The following RBFOX1 variants were observed in gnomAD, a reference collection of about 807,000 sequenced individuals.
RBFOX1 encodes RNA binding fox-1 homolog 1, also known as RNA binding protein fox-1 homolog 1.
RBFOX1 carries 8 observed loss-of-function variants against 57.7 expected under a neutral mutation model. The observed-to-expected ratio is 0.14, with a 90% CI of 0.08 to 0.25. RBFOX1 has a LOEUF of 0.25. Among genes scored for constraint, RBFOX1 ranks in the 10% least tolerant of loss-of-function variants. The probability of loss-of-function intolerance (pLI) is 1.00; values close to 1 mark genes in which losing one functional copy is unlikely to be tolerated. For synonymous variants in RBFOX1, 326 were observed against 222.4 expected, an observed-to-expected ratio of 1.47 and a Z score of -4.15; for missense variants, 611 against 548.5, an observed-to-expected ratio of 1.11 and a Z score of -1.14.
At chr16:6,261,550 C>T (rs992722471) in intron 1 of RBFOX1, among the ~76,000 whole-genome samples, 1 of 152,168 alleles carries the variant, frequency 6.6e-6, no homozygotes, top group Non-Finnish European at 1.5e-5. Flanking sequence ...TCATCCTTGT[C>T]CTGGGAATCG....
At chr16:6,323,082 G>A (rs966897693) in intron 2 of RBFOX1, among the ~76,000 whole-genome samples, 8 of 151,998 alleles carry the variant, frequency 5.3e-5, no homozygotes, top group South Asian at 2.1e-4. Flanking sequence ...TTTTTCGATC[G>A]AATGAGTACA....
Position 5,792,227 on chromosome 16 carries a change from T to G in RBFOX1, c.319-75076T>G, listed in dbSNP as rs372191595. Among the ~76,000 whole-genome samples, 6 of 152,338 alleles carry G rather than the reference T, an allele frequency of 3.9e-5. No individual in the cohort carries two copies. In the East Asian group the frequency reaches 9.6e-4, roughly 24 times the overall value. ...TATGCTGCTGGCACTGAATGGCTTC[T>G]CTGTAAATGGTCAGTTCTGTTGTTA... On this transcript the variant is annotated intron_variant, in intron 3 of 19. Transcript: ENST00000641259.
At chr16:6,043,787 G>T (rs530320472) in intron 1 of RBFOX1, among the ~76,000 whole-genome samples, 2 of 152,266 alleles carry the variant, frequency 1.3e-5, no homozygotes, top group South Asian at 4.1e-4. Flanking sequence ...TCTGCTTATG[G>T]GGAGTTTTGG....
In RBFOX1 at chr16:5,299,204, C is replaced by CT. The variant is rs112569149; in HGVS notation, c.219+59109dup. On this transcript the variant is annotated intron_variant, in intron 1 of 2. Coordinates refer to the RBFOX1 transcript ENST00000585867. ...ATGCTATGCACTCCTTTATGCCTGG[C>CT]TTTTTTTTTTGCTCAAAAAAAGTTT... Among the ~76,000 whole-genome samples the CT allele has an allele frequency of 1.5e-3, 220 of 146,680 alleles. 1 individual carries two copies. The highest frequency in any genetic ancestry group is 4.2e-3 in the African/African-American group (167 of 40,048).
intron 1 of RBFOX1, among the ~76,000 whole-genome samples, chr16:5,379,815 G>C (rs571250965): frequency 3.9e-5 from 6 of 152,260 alleles, no homozygotes; most frequent in African/African-American, 1.2e-4. Flanking sequence ...TAGTGGTCTG[G>C]GTAACATTTC....
At chr16:7,327,824 T>A (rs565169894) in intron 4 of RBFOX1, among the ~76,000 whole-genome samples, 3 of 149,736 alleles carry the variant, frequency 2.0e-5, no homozygotes, top group East Asian at 1.9e-4. Context: ...TTTTTTTTTT[T>A]ACACTGTGCA....
chr16:5,255,049 G>T (rs2062549493), intron 1 of RBFOX1, among the ~76,000 whole-genome samples: 2 of 152,142 alleles, frequency 1.3e-5, no homozygotes, highest in African/African-American at 4.8e-5. Context: ...TGGTTGCCCA[G>T]CTGTCATCAG....
intron 3 of RBFOX1, among the ~76,000 whole-genome samples, chr16:6,762,873 G>C (rs2076818079): frequency 6.6e-6 from 1 of 152,100 alleles, no homozygotes. Context: ...TCCTTGCCTT[G>C]GGTGGGAGTA....
chr16:7,641,643 C>T (rs1010327529), intron 11 of RBFOX1, among the ~76,000 whole-genome samples: 8 of 152,158 alleles, frequency 5.3e-5, no homozygotes, highest in African/African-American at 1.9e-4. Flanking sequence ...CAAACATTTC[C>T]AGAAGATCAT....
chr16:6,973,652 A>G (rs896276988), intron 3 of RBFOX1, among the ~76,000 whole-genome samples: 3 of 152,162 alleles, frequency 2.0e-5, no homozygotes, highest in Non-Finnish European at 2.9e-5. Flanking sequence ...AAGCTGGACC[A>G]TTGACTGAAA....
At chr16:7,415,402 G>A (rs530507702) in intron 4 of RBFOX1, among the ~76,000 whole-genome samples, 2 of 152,254 alleles carry the variant, frequency 1.3e-5, no homozygotes, top group South Asian at 2.1e-4. Flanking sequence ...CTTGAAGTTT[G>A]TGGTCATGAT....
At chr16:7,413,113 C>G (rs2098445668) in intron 4 of RBFOX1, among the ~76,000 whole-genome samples, 1 of 152,060 alleles carries the variant, frequency 6.6e-6, no homozygotes. Context: ...AATTATTTTA[C>G]TTGAGAAGCA....
chr16:7,665,365 T>G (rs1020491692), intron 13 of RBFOX1, among the ~76,000 whole-genome samples: 2 of 152,202 alleles, frequency 1.3e-5, no homozygotes, highest in Admixed American at 1.3e-4. Flanking sequence ...GATATTTTCA[T>G]GGCTGCTATT....
intron 3 of RBFOX1, among the ~76,000 whole-genome samples, chr16:5,764,244 T>G (rs2151654152): frequency 6.6e-6 from 1 of 152,328 alleles, no homozygotes; most frequent in Non-Finnish European, 1.5e-5. Context: ...GGGCTGTTCT[T>G]AAGTTATTAA....
intron 3 of RBFOX1, among the ~76,000 whole-genome samples, chr16:5,675,214 T>A (rs2079739): frequency 1.3e-5 from 2 of 151,752 alleles, no homozygotes; most frequent in African/African-American, 2.4e-5. Flanking sequence ...ATGCATGTAC[T>A]CACGCACACA....
intron 12 of RBFOX1, among the ~76,000 whole-genome samples, chr16:7,655,027 T>C (rs756759413): frequency 6.6e-5 from 10 of 152,158 alleles, no homozygotes; most frequent in Non-Finnish European, 1.0e-4. Flanking sequence ...TAGAAGAAAA[T>C]ATGGCTGCAT....
chr16:6,510,995 G>C (rs1176374127), intron 2 of RBFOX1, among the ~76,000 whole-genome samples: 1 of 152,174 alleles, frequency 6.6e-6, no homozygotes, highest in Non-Finnish European at 1.5e-5. Context: ...ATCCAATGCT[G>C]TCACGAGCTG....
At position 7,332,965 on chromosome 16, in the gene RBFOX1, G is replaced by A. The variant is rs368254031; in HGVS notation, c.28-185182G>A. ...TTTCCCCCTAACTCTCCATTGATGT[G>A]TTGAGCTTCAGAGGGAATAATAACT... is the stretch of plus-strand genomic sequence containing the variant. On this transcript the variant is annotated intron_variant, in intron 4 of 15. Coordinates refer to ENST00000550418, the MANE Select transcript of RBFOX1 (RefSeq NM_018723.4). 1.1e-5 allele frequency: 18 copies of A among 1,612,712 alleles called. No homozygotes were observed. The African/African-American group carries it at 1.6e-4, about 14-fold the overall frequency.
chr16:6,557,004 T>TACATATATATACATATATACATATATAC (rs1567671436), intron 2 of RBFOX1, among the ~76,000 whole-genome samples: 1 of 136,974 alleles, frequency 7.3e-6, no homozygotes, highest in African/African-American at 3.0e-5. Flanking sequence ...TACATATATA[T>TACATATATATACATATATACATATATAC]ACATATATAT....
Sources: allele counts gnomAD v4.1 joint callset (sites outside exome capture counted in the v4.1 genomes callset), GRCh38; gene constraint gnomAD v4.1.1; transcripts MANE v1.5; gene names NCBI Gene and HGNC (gene_info 2026-07-23, HGNC 2026-07-21).